The following ASCC3 variants were observed in gnomAD, a reference collection of about 807,000 sequenced individuals.
ASCC3 encodes activating signal cointegrator 1 complex subunit 3.
ASCC3 carries 158 observed loss-of-function variants against 256.3 expected under a neutral mutation model. That is an observed-to-expected ratio of 0.62 (90% CI 0.54 to 0.70). ASCC3 has a LOEUF of 0.70. Ranked by LOEUF, ASCC3 falls within the 30% of genes least tolerant of loss-of-function variation. ASCC3 has a pLI of 0.00. For synonymous variants in ASCC3, 948 were observed against 883.4 expected (o/e 1.07, Z -1.30); for missense variants, 2,259 against 2,626.0 (o/e 0.86, Z 3.05).
In ASCC3 at chr6:100,819,515, A is replaced by G. The variant is rs1770935114; in HGVS notation, c.802-13635T>C. On this transcript the variant is annotated intron_variant, in intron 4 of 41. Transcript: ENST00000369162. The stretch of plus-strand genomic sequence containing the variant: ...AGCCAGTCCGAGTCCCAAAACCTCA[A>G]AAGTAGGGAAGCTGACAGGGCAGCC... Among the ~76,000 whole-genome samples the G allele has an allele frequency of 3.9e-5, 6 of 152,240 alleles. No individual in the cohort carries two copies. In the South Asian group the frequency reaches 8.3e-4, roughly 21 times the overall value.
chr6:100,737,708 G>A (rs186898531), intron 10 of ASCC3, among the ~76,000 whole-genome samples: 5 of 152,182 alleles, frequency 3.3e-5, no homozygotes, highest in Admixed American at 3.3e-4. Context: ...ATGTATCTTT[G>A]TAACAGAATG....
intron 30 of ASCC3, among the ~76,000 whole-genome samples, chr6:100,616,017 C>G (rs1252337050): frequency 6.6e-6 from 1 of 152,106 alleles, no homozygotes; most frequent in South Asian, 2.1e-4. Flanking sequence ...TGTTGTTATC[C>G]TGCATTAAAT....
intron 8 of ASCC3, among the ~76,000 whole-genome samples, chr6:100,769,304 T>C (rs1478601529): frequency 2.0e-5 from 3 of 151,956 alleles, no homozygotes; most frequent in South Asian, 2.1e-4. Context: ...TGGTGTCTTA[T>C]TACACAGAAG....
At chr6:100,807,018 ATAG>A (rs1280346247) in intron 4 of ASCC3, among the ~76,000 whole-genome samples, 6 of 151,944 alleles carry the variant, frequency 3.9e-5, no homozygotes, top group African/African-American at 1.4e-4. Context: ...GTTACAACTA[ATAG>A]TAGTGTTTTC....
chr6:100,616,368 G>A (rs1026573470), intron 30 of ASCC3, among the ~76,000 whole-genome samples: 6 of 152,166 alleles, frequency 3.9e-5, no homozygotes, highest in African/African-American at 1.4e-4. Flanking sequence ...TACTTTTCAT[G>A]AAAGTATTCT....
chr6:100,707,629 G>A (rs1355052281), intron 13 of ASCC3, among the ~76,000 whole-genome samples: 1 of 151,860 alleles, frequency 6.6e-6, no homozygotes, highest in Non-Finnish European at 1.5e-5. Flanking sequence ...TCTTTAATAG[G>A]GTAAAACAAA....
At chr6:100,878,723 G>A (rs373502374) in intron 1 of ASCC3, among the ~76,000 whole-genome samples, 3 of 152,254 alleles carry the variant, frequency 2.0e-5, no homozygotes, top group East Asian at 1.9e-4. Context: ...AGGAATTTAC[G>A]CCTGCCCTCT....
At position 100,795,732 on chromosome 6, in the gene ASCC3, C is replaced by T. The variant is rs9404050; in HGVS notation, c.1395+2981G>A. On this transcript the variant is annotated intron_variant, in intron 8 of 41. Transcript: ENST00000369162. The stretch of plus-strand genomic sequence containing the variant: ...TACAGAAGTTATTAAACTTATCCAA[C>T]GTGACAGTCAGTAAAAGGACATAAA... Among the ~76,000 whole-genome samples the T allele has an allele frequency of 6.1e-4, 93 of 152,228 alleles. 1 individual carries two copies. In the South Asian group the frequency reaches 0.014, roughly 22 times the overall value.
At chr6:100,592,372 T>C (rs185687126) in intron 34 of ASCC3, among the ~76,000 whole-genome samples, 36 of 152,104 alleles carry the variant, frequency 2.4e-4, no homozygotes, top group Non-Finnish European at 2.1e-4. Flanking sequence ...TCAATTCAAG[T>C]AAATTGAACT....
intron 36 of ASCC3, 104 bp downstream of exon 36, chr6:100,589,530 A>G: frequency 7.2e-7 from 1 of 1,379,936 alleles, no homozygotes; most frequent in Non-Finnish European, 1.0e-6. Flanking sequence ...TTGACAGAGG[A>G]AAGGGCTTTA....
chr6:100,866,912 T>C (rs1481425567), intron 2 of ASCC3, among the ~76,000 whole-genome samples: 1 of 152,228 alleles, frequency 6.6e-6, no homozygotes, highest in South Asian at 2.1e-4. Flanking sequence ...TTCCTTTAAG[T>C]ATCTTATAAG....
chr6:100,639,009 A>G (rs773998098), intron 24 of ASCC3, among the ~76,000 whole-genome samples, 188 bp from the exon 25 acceptor site: 3 of 150,892 alleles, frequency 2.0e-5, no homozygotes, highest in Non-Finnish European at 4.4e-5. Flanking sequence ...CACATTTACC[A>G]TATTGACATA....
At chr6:100,818,748 C>CAAAAAAA (rs56668191) in intron 4 of ASCC3, among the ~76,000 whole-genome samples, 87 of 58,130 alleles carry the variant, frequency 1.5e-3, no homozygotes, top group East Asian at 0.01. Flanking sequence ...AGGCAAAAGC[C>CAAAAAAA]AAAAAAAAAA....
At chr6:100,850,999 G>C (rs982840034) in intron 3 of ASCC3, among the ~76,000 whole-genome samples, 13 of 152,014 alleles carry the variant, frequency 8.6e-5, no homozygotes, top group African/African-American at 1.7e-4. Flanking sequence ...TGTAAAGATA[G>C]TATTGCTAAC....
At chr6:100,572,923 T>C (rs1005598097) in intron 36 of ASCC3, among the ~76,000 whole-genome samples, 1 of 152,110 alleles carries the variant, frequency 6.6e-6, no homozygotes, top group Admixed American at 6.6e-5. Flanking sequence ...TGCTTTAAAA[T>C]TTTTTTACAG....
chr6:100,588,475 T>C (rs1428232268), intron 36 of ASCC3, among the ~76,000 whole-genome samples: 1 of 152,156 alleles, frequency 6.6e-6, no homozygotes, highest in African/African-American at 2.4e-5. Flanking sequence ...ATCTCATTCT[T>C]AAGGATCTAA....
At position 100,651,518 on chromosome 6, in the gene ASCC3, T is replaced by A. The variant is rs759715265; in HGVS notation, c.3075+42A>T. ...AACCTTTTATAAATGAATGAATGCA[T>A]ACATGTTGTATGCATTTGATTCAAA... On this transcript the variant is annotated intron_variant, in intron 19 of 41. Coordinates refer to ENST00000369162, the MANE Select transcript of ASCC3 (RefSeq NM_006828.4). 10 of 1,224,674 alleles carry A rather than the reference T, an allele frequency of 8.2e-6. No individual in the cohort carries two copies. The African/African-American group carries it at 1.0e-4, about 13-fold the overall frequency. 75.9% of individuals were successfully genotyped at this position (1,224,674 alleles called of 1,614,324 possible). A position where few individuals can be genotyped will look rare whatever the true frequency, so the allele number is the denominator to read the frequency against.
At chr6:100,605,909 A>G (rs1772860619) in intron 32 of ASCC3, among the ~76,000 whole-genome samples, 1 of 152,142 alleles carries the variant, frequency 6.6e-6, no homozygotes, top group East Asian at 1.9e-4. Context: ...GCAAGTAACT[A>G]TGATGAAAAA....
intron 10 of ASCC3, among the ~76,000 whole-genome samples, chr6:100,735,657 T>G (rs546376148): frequency 1.3e-5 from 2 of 152,220 alleles, no homozygotes; most frequent in East Asian, 3.9e-4. Flanking sequence ...CTTTCATAAT[T>G]CCATCCTAGA....
Sources: gnomAD v4.1 joint callset for allele counts (sites outside exome capture counted in the v4.1 genomes callset) on GRCh38, gnomAD v4.1.1 for gene constraint, MANE v1.5 for transcripts, NCBI Gene and HGNC (gene_info 2026-07-23, HGNC 2026-07-21) for gene names.